Variants in AAR2 observed in about 807,000 individuals in gnomAD.
The protein encoded by AAR2 is AAR2 splicing factor, also known as protein AAR2 homolog.
A neutral mutation model predicts 26.9 loss-of-function variants in AAR2; 31 were observed. The ratio of observed to expected loss-of-function variants is 1.15; its 90% CI spans 0.86 to 1.55. The LOEUF is 1.55. Among genes scored for constraint, AAR2 ranks in the 40% most tolerant of loss-of-function variants. The pLI is 0.00. For synonymous variants in AAR2, 188 were observed against 196.1 expected, an observed-to-expected ratio of 0.96 and a Z score of 0.34; for missense variants, 430 against 491.3, an observed-to-expected ratio of 0.88 and a Z score of 1.18.
At chr20:36,244,315 G>T (rs1446168690) in intron 2 of AAR2, among the ~76,000 whole-genome samples, 1 of 152,176 alleles carries the variant, frequency 6.6e-6, no homozygotes, top group Admixed American at 6.5e-5. Flanking sequence ...TGAAGCTTGG[G>T]TAGCTTTACT....
chr20:36,255,557 CTT>C lies in AAR2; in HGVS notation c.988-20_988-19del, dbSNP rs767386790. 10 of 1,613,930 alleles carry C rather than the reference CTT, an allele frequency of 6.2e-6. No homozygotes were observed. Among genetic ancestry groups the C allele is most frequent in the Non-Finnish European group, 8.5e-6 (10 of 1,179,926 alleles). ...CTGCCCTCCGTCTTCTCAGGAGTGACTTATCCTCTGTTCTCTGTAGGTTTTCT... is the reference window on the plus strand; with the variant it reads ...CTGCCCTCCGTCTTCTCAGGAGTGACATCCTCTGTTCTCTGTAGGTTTTCT... On this transcript the variant is annotated intron_variant, in intron 3 of 3. Coordinates refer to ENST00000320849, the MANE Select transcript of AAR2 (RefSeq NM_001271874.2).
chr20:36,243,947 T>A (rs2064708276), intron 2 of AAR2, among the ~76,000 whole-genome samples: 2 of 152,228 alleles, frequency 1.3e-5, no homozygotes, highest in African/African-American at 4.8e-5. Context: ...GCCCTGTGGT[T>A]AAGCAAACAA....
chr20:36,237,336 A>C (rs1398920106), intron 1 of AAR2, among the ~76,000 whole-genome samples: 1 of 152,114 alleles, frequency 6.6e-6, no homozygotes, highest in Non-Finnish European at 1.5e-5. Flanking sequence ...ACTGCTGTTG[A>C]ATGGAGAATG....
rs554254954 is a variant in AAR2 at position 36,256,200 on chromosome 20, A to T, written c.*455A>T. ...TTTTTTTGCGGTTAAATGAAGGGTG[A>T]TGGGGAGATCAGCCCGAATTGCCGC... On this transcript the variant is annotated 3_prime_UTR_variant, in exon 4 of 4. Coordinates refer to ENST00000320849, the MANE Select transcript of AAR2 (RefSeq NM_001271874.2). 1 of 154,598 alleles carries T rather than the reference A, an allele frequency of 6.5e-6. No individual in the cohort carries two copies. Among genetic ancestry groups the T allele is most frequent in the South Asian group, 2.0e-4 (1 of 4,914 alleles). 9.6% of individuals were successfully genotyped at this position (154,598 alleles called of 1,614,324 possible).
Position 36,239,969 on chromosome 20 carries a change from T to G in AAR2, c.101T>G (p.Ile34Ser), listed in dbSNP as rs2064658169. The change falls in exon 2 of 4, where the codon ATT (isoleucine) becomes AGT (serine). Residue 34 changes from isoleucine to serine, a missense_variant. Physicochemically the swap from Ile to Ser is moderately radical, Grantham distance 142 (BLOSUM62 -2). Transcript: ENST00000320849. ...LNMPKGTEFG[I>S]DYNSWEVGPK... ...ATGCCCAAGGGAACAGAGTTTGGGA[T>G]TGACTATAACTCCTGGGAGGTCGGG... is the stretch of plus-strand genomic sequence containing the variant. 2.5e-6 allele frequency: 4 copies of G among 1,614,200 alleles called. No homozygotes were observed. The Middle Eastern group carries it at 4.9e-4, about 200-fold the overall frequency.
Position 36,244,732 on chromosome 20 carries a change from G to C in AAR2, c.793G>C (p.Gly265Arg). The change falls in exon 3 of 4, where the codon GGG becomes CGG. Residue 265 changes from glycine (G) to arginine (R), a missense_variant. By Grantham distance (125) the Gly-to-Arg change is moderately radical. Transcript: ENST00000320849. ...LQFAFVCFLL[G>R]NVYEAFEHWK... ...GTTTGCTTTTGTGTGCTTCCTGCTG[G>C]GGAATGTGTACGAGGCATTTGAGCA... 6.2e-7 allele frequency: 1 copy of C among 1,614,158 alleles called. No individual in the cohort carries two copies.
At chr20:36,238,555 A>G (rs1276906849) in intron 1 of AAR2, among the ~76,000 whole-genome samples, 1 of 152,086 alleles carries the variant, frequency 6.6e-6, no homozygotes, top group African/African-American at 2.4e-5. Context: ...CAGGAGTTCC[A>G]GACTAGCCTA....
At position 36,244,743 on chromosome 20, in the gene AAR2, C is replaced by T. The variant is rs372921853; in HGVS notation, c.804C>T (p.Tyr268=). The T allele has an allele frequency of 4.3e-5, 70 of 1,614,116 alleles. No homozygotes were observed. Among genetic ancestry groups the T allele is most frequent in the African/African-American group, 2.5e-4 (19 of 75,028 alleles). The part of the protein sequence containing the change: ...AFVCFLLGNV[Y]EAFEHWKRLL... ...TGTGCTTCCTGCTGGGGAATGTGTACGAGGCATTTGAGCATTGGAAGCGGC... is the reference window on the plus strand; with the variant it reads ...TGTGCTTCCTGCTGGGGAATGTGTATGAGGCATTTGAGCATTGGAAGCGGC... The change falls in exon 3 of 4, where the codon TAC becomes TAT. Residue 268 remains tyrosine, a synonymous_variant. Transcript: ENST00000320849.
Position 36,247,589 on chromosome 20 carries a change from G to C in AAR2, c.987+2663G>C, listed in dbSNP as rs192218993. On this transcript the variant is annotated intron_variant, in intron 3 of 3. Coordinates refer to ENST00000320849, the MANE Select transcript of AAR2 (RefSeq NM_001271874.2). ...AAAAAAATTGTTGTAAAAAACAGCT[G>C]GTCCATGGTGGCTCACGCCTGTGAT... 1.7e-3 allele frequency among the ~76,000 whole-genome samples: 252 copies of C among 152,236 alleles called. 2 individuals are homozygous for C. Among genetic ancestry groups the C allele is most frequent in the Non-Finnish European group, 2.4e-3 (161 of 68,006 alleles).
At chr20:36,251,096 C>T (rs2064776775) in intron 3 of AAR2, among the ~76,000 whole-genome samples, 2 of 151,886 alleles carry the variant, frequency 1.3e-5, no homozygotes, top group South Asian at 4.2e-4. Flanking sequence ...ACTGAGGAGG[C>T]CTAGATGTGT....
At chr20:36,250,264 A>G (rs1329824569) in intron 3 of AAR2, among the ~76,000 whole-genome samples, 1 of 152,246 alleles carries the variant, frequency 6.6e-6, no homozygotes, top group Non-Finnish European at 1.5e-5. Flanking sequence ...TTGAAGAAAA[A>G]CACCCAGTAG....
chr20:36,252,098 C>T lies in AAR2; in HGVS notation c.988-3480C>T, dbSNP rs562191558. Among the ~76,000 whole-genome samples, 4 of 152,170 alleles carry T rather than the reference C, an allele frequency of 2.6e-5. No individual in the cohort carries two copies. In the South Asian group the frequency reaches 8.3e-4, roughly 32 times the overall value. On this transcript the variant is annotated intron_variant, in intron 3 of 3. Coordinates refer to ENST00000320849, the MANE Select transcript of AAR2 (RefSeq NM_001271874.2). ...GAATGCCATGAGGGAGGCTCGGGCA[C>T]AGTGCTGGGGAACAGGGGTCTGAGC...
rs1403801820 is a variant in AAR2 at position 36,244,816 on chromosome 20, A to T, written c.877A>T (p.Thr293Ser). Reference protein sequence around the residue: ...RSEAAMMKHHTLYINLISILY... With the variant: ...RSEAAMMKHHSLYINLISILY... ...AGAAGCAGCCATGATGAAGCACCAC[A>T]CCCTCTACATCAACCTCATCTCCAT... is the stretch of plus-strand genomic sequence containing the variant. The change falls in exon 3 of 4, where the codon ACC (threonine) becomes TCC (serine). Residue 293 changes from threonine (T) to serine (S), a missense_variant. Transcript: ENST00000320849. The T allele has an allele frequency of 6.2e-7, 1 of 1,614,138 alleles. No individual in the cohort carries two copies. The highest frequency in any genetic ancestry group is 8.5e-7 in the Non-Finnish European group (1 of 1,180,012).
intron 1 of AAR2, 78 bp from the exon 2 acceptor site, chr20:36,239,743 C>G: frequency 8.7e-7 from 1 of 1,144,544 alleles, no homozygotes; most frequent in Non-Finnish European, 1.2e-6. Context: ...AACTCAATAT[C>G]TGGCACATAC....
At chr20:36,241,119 A>G (rs1342047712) in intron 2 of AAR2, among the ~76,000 whole-genome samples, 8 of 152,168 alleles carry the variant, frequency 5.3e-5, no homozygotes, top group Non-Finnish European at 8.8e-5. Context: ...CTTTTATTAC[A>G]AAAATGATAG....
At chr20:36,249,319 G>A (rs904902529) in intron 3 of AAR2, among the ~76,000 whole-genome samples, 4 of 152,090 alleles carry the variant, frequency 2.6e-5, no homozygotes, top group Admixed American at 1.3e-4. Flanking sequence ...TTAAAGCAAC[G>A]TAAGTCACCA....
chr20:36,254,267 GA>G lies in AAR2; in HGVS notation c.988-1308del, dbSNP rs371920973. On this transcript the variant is annotated intron_variant, in intron 3 of 3. Coordinates refer to ENST00000320849, the MANE Select transcript of AAR2 (RefSeq NM_001271874.2). ...ACAGAATATTATTCAGCCTTCAAAA[GA>G]AAGGAAATTCTGACACATGCTGCAT... 1.5e-4 allele frequency among the ~76,000 whole-genome samples: 23 copies of G among 152,348 alleles called. No individual in the cohort carries two copies. The East Asian group carries it at 2.3e-3, about 15-fold the overall frequency.
chr20:36,254,203 A>C (rs975737590), intron 3 of AAR2, among the ~76,000 whole-genome samples: 2 of 152,258 alleles, frequency 1.3e-5, no homozygotes, highest in African/African-American at 4.8e-5. Context: ...ATAGGCATTG[A>C]CAGATGACTA....
At chr20:36,240,687 G>T in intron 2 of AAR2, 62 bp downstream of exon 2, 1 of 1,542,212 alleles carries the variant, frequency 6.5e-7, no homozygotes, top group East Asian at 2.3e-5. Flanking sequence ...GAGGTGTTTT[G>T]GAATAGGGAG....
Sources: gnomAD v4.1 joint callset for allele counts (sites outside exome capture counted in the v4.1 genomes callset) on GRCh38, gnomAD v4.1.1 for gene constraint, MANE v1.5 for transcripts, NCBI Gene and HGNC (gene_info 2026-07-23, HGNC 2026-07-21) for gene names.